CCSER1: variants seen among roughly 807,000 people sequenced by gnomAD.
CCSER1 encodes the protein coiled-coil serine rich protein 1.
Under a neutral mutation model 82.0 loss-of-function variants are expected in CCSER1, and 41 were observed. The observed-to-expected ratio is 0.50, with a 90% CI of 0.39 to 0.65. The LOEUF is 0.65. Among genes scored for constraint, CCSER1 ranks in the 30% least tolerant of loss-of-function variants. The pLI is 0.00. For synonymous variants in CCSER1, 414 were observed against 383.9 expected (o/e 1.08, Z -0.92); for missense variants, 1,119 against 1,064.2 (o/e 1.05, Z -0.72).
At chr4:91,124,572 A>G (rs1727344968) in intron 10 of CCSER1, among the ~76,000 whole-genome samples, 1 of 151,668 alleles carries the variant, frequency 6.6e-6, no homozygotes, top group Non-Finnish European at 1.5e-5. Flanking sequence ...CAACTCCTCT[A>G]TACTGTTGTC....
intron 8 of CCSER1, among the ~76,000 whole-genome samples, chr4:90,834,000 C>T (rs1260010314): frequency 6.6e-6 from 1 of 152,190 alleles, no homozygotes; most frequent in African/African-American, 2.4e-5. Flanking sequence ...CAGTGCCATA[C>T]TCTGGGACTT....
intron 10 of CCSER1, among the ~76,000 whole-genome samples, chr4:91,417,166 C>T (rs1753416327): frequency 6.6e-6 from 1 of 152,140 alleles, no homozygotes; most frequent in African/African-American, 2.4e-5. Flanking sequence ...GATACCATAT[C>T]ATGCCAGTGA....
chr4:91,431,105 G>A (rs1253456582), intron 10 of CCSER1, among the ~76,000 whole-genome samples: 3 of 151,952 alleles, frequency 2.0e-5, no homozygotes, highest in East Asian at 1.9e-4. Flanking sequence ...GCGTGGTGGC[G>A]GGCGCCTGTA....
intron 4 of CCSER1, among the ~76,000 whole-genome samples, chr4:90,440,803 A>G (rs1392299963): frequency 6.6e-6 from 1 of 152,200 alleles, no homozygotes; most frequent in Non-Finnish European, 1.5e-5. Flanking sequence ...ATATCTTTCT[A>G]TTCTGTCTGA....
chr4:90,495,639 A>C (rs1768868114), intron 5 of CCSER1, among the ~76,000 whole-genome samples: 1 of 152,228 alleles, frequency 6.6e-6, no homozygotes, highest in African/African-American at 2.4e-5. Context: ...ATTGCAAGTA[A>C]TTATAATAGA....
At chr4:90,369,738 A>C (rs1578148286) in intron 3 of CCSER1, among the ~76,000 whole-genome samples, 1 of 152,060 alleles carries the variant, frequency 6.6e-6, no homozygotes, top group East Asian at 1.9e-4. Context: ...AAGGCTCTGA[A>C]AGTTTTGTCC....
intron 8 of CCSER1, among the ~76,000 whole-genome samples, chr4:90,841,502 C>T (rs1050007976): frequency 3.3e-5 from 5 of 149,506 alleles, no homozygotes; most frequent in Admixed American, 2.7e-4. Flanking sequence ...GGCTTGAACC[C>T]TGGAGGCAGA....
chr4:91,443,845 A>G (rs1755378045), intron 10 of CCSER1, among the ~76,000 whole-genome samples: 1 of 151,120 alleles, frequency 6.6e-6, no homozygotes, highest in Non-Finnish European at 1.5e-5. Context: ...TAGATATTTA[A>G]CAATTCAGAA....
chr4:90,336,271 GATTT>G (rs1432527701), intron 3 of CCSER1, among the ~76,000 whole-genome samples: 2 of 152,314 alleles, frequency 1.3e-5, no homozygotes, highest in East Asian at 3.9e-4. Flanking sequence ...GACAATAGTA[GATTT>G]ATTTATTTTG....
intron 1 of CCSER1, among the ~76,000 whole-genome samples, chr4:90,277,496 C>A (rs2153458403): frequency 6.6e-6 from 1 of 152,112 alleles, no homozygotes; most frequent in East Asian, 1.9e-4. Context: ...GTCAATGGAA[C>A]AAAATAGAGA....
At position 91,439,100 on chromosome 4, in the gene CCSER1, G is replaced by A. The variant is rs545051571; in HGVS notation, c.2218-159472G>A. Among the ~76,000 whole-genome samples, 13 of 152,216 alleles carry A rather than the reference G, an allele frequency of 8.5e-5. 1 individual carries two copies. Among genetic ancestry groups the A allele is most frequent in the African/African-American group, 2.2e-4 (9 of 41,540 alleles). On this transcript the variant is annotated intron_variant, in intron 10 of 10. Coordinates refer to ENST00000509176, the MANE Select transcript of CCSER1 (RefSeq NM_001145065.2). The stretch of plus-strand genomic sequence containing the variant: ...GAACTTCCCCAATCTAGCAAGGCAC[G>A]CCAACATTCAAATTCAGGAAATACA...
chr4:91,406,739 TATAA>T (rs1051552647), intron 10 of CCSER1, among the ~76,000 whole-genome samples: 2 of 152,228 alleles, frequency 1.3e-5, no homozygotes, highest in Non-Finnish European at 2.9e-5. Flanking sequence ...CAACATGTTG[TATAA>T]ATAAAATATT....
At chr4:90,590,196 A>G (rs1372064674) in intron 5 of CCSER1, among the ~76,000 whole-genome samples, 1 of 151,998 alleles carries the variant, frequency 6.6e-6, no homozygotes, top group East Asian at 1.9e-4. Flanking sequence ...GTTGCTTGAA[A>G]CCAGGAGAAA....
intron 9 of CCSER1, among the ~76,000 whole-genome samples, chr4:91,070,796 T>C (rs188465468): frequency 5.3e-4 from 81 of 152,220 alleles, no homozygotes; most frequent in Admixed American, 4.8e-3. Context: ...GCCAAAAAGG[T>C]TGGGAACCGC....
chr4:91,521,467 A>C (rs1341534659), intron 10 of CCSER1, among the ~76,000 whole-genome samples: 2 of 152,132 alleles, frequency 1.3e-5, no homozygotes, highest in Admixed American at 1.3e-4. Flanking sequence ...TGTCTTCCAC[A>C]ATGGTTGAAC....
intron 4 of CCSER1, among the ~76,000 whole-genome samples, chr4:90,463,686 A>C (rs545820907): frequency 6.6e-6 from 1 of 152,282 alleles, no homozygotes; most frequent in South Asian, 2.1e-4. Flanking sequence ...GCAATTTGCC[A>C]ATTAATAGTA....
intron 1 of CCSER1, among the ~76,000 whole-genome samples, chr4:90,213,711 ACAT>A (rs1434356461): frequency 6.6e-6 from 1 of 152,170 alleles, no homozygotes; most frequent in African/African-American, 2.4e-5. Flanking sequence ...TAAGGAAAGT[ACAT>A]CAAGAAGGGA....
chr4:91,590,295 GA>G (rs34475103), intron 10 of CCSER1, among the ~76,000 whole-genome samples: 6,745 of 151,812 alleles, frequency 0.044, 319 homozygotes, highest in African/African-American at 0.12. Context: ...TGTGCAATCT[GA>G]AAAAAAATCA....
chr4:91,208,287 C>A (rs1262674700), intron 10 of CCSER1, among the ~76,000 whole-genome samples: 1 of 151,904 alleles, frequency 6.6e-6, no homozygotes, highest in African/African-American at 2.4e-5. Context: ...ATGGTTTTGT[C>A]ATGAAATCTT....
Sources: allele counts gnomAD v4.1 joint callset (sites outside exome capture counted in the v4.1 genomes callset), GRCh38; gene constraint gnomAD v4.1.1; transcripts MANE v1.5; gene names NCBI Gene and HGNC (gene_info 2026-07-23, HGNC 2026-07-21).